Variants in EPAS1 observed in about 807,000 individuals in gnomAD.
The protein encoded by EPAS1 is endothelial PAS domain-containing protein 1.
EPAS1 carries 23 observed loss-of-function variants against 87.9 expected under a neutral mutation model. The observed-to-expected ratio is 0.26, with a 90% CI of 0.19 to 0.37. The LOEUF (loss-of-function observed/expected upper bound fraction) is 0.37. Ranked by LOEUF, EPAS1 falls within the 10% of genes least tolerant of loss-of-function variation. EPAS1 has a pLI of 1.00. For missense variants in EPAS1, 1,138 were observed against 1,120.7 expected, an observed-to-expected ratio of 1.02 and a Z score of -0.22; for synonymous variants, 508 against 444.3, an observed-to-expected ratio of 1.14 and a Z score of -1.80.
chr2:46,371,917 C>T lies in EPAS1; in HGVS notation c.886+1984C>T, dbSNP rs2103655943. 6.6e-6 allele frequency among the ~76,000 whole-genome samples: 1 copy of T among 152,170 alleles called. No individual in the cohort carries two copies. Among genetic ancestry groups the T allele is most frequent in the Middle Eastern group, 3.4e-3 (1 of 294 alleles). ...CCTTTTATCTTGTAGGATGGGAAAG[C>T]AGAAGAAGCTACTGTCAAAGGAAAA... is the stretch of plus-strand genomic sequence containing the variant. On this transcript the variant is annotated intron_variant, in intron 7 of 15. Transcript: ENST00000263734. The surrounding 1 kb of genome is among the most constrained non-coding windows in gnomAD (Gnocchi z 4.3).
intron 7 of EPAS1, among the ~76,000 whole-genome samples, chr2:46,370,787 A>G (rs1040640289): frequency 1.3e-5 from 2 of 152,204 alleles, no homozygotes; most frequent in Non-Finnish European, 2.9e-5. Flanking sequence ...CATGTTCCCA[A>G]TTCAGGCTTC....
chr2:46,316,956 A>G (rs930617859), intron 1 of EPAS1, among the ~76,000 whole-genome samples: 3 of 152,198 alleles, frequency 2.0e-5, no homozygotes, highest in African/African-American at 7.2e-5. Context: ...CACCATCTTT[A>G]CCAGGAGCAA....
At chr2:46,365,385 G>T (rs3768730) in intron 6 of EPAS1, among the ~76,000 whole-genome samples, 97,973 of 152,136 alleles carry the variant, frequency 0.64, 33,944 homozygotes, top group African/African-American at 0.89. Flanking sequence ...AGTTACAGTT[G>T]AATAAAGATG....
Position 46,377,957 on chromosome 2 carries a change from G to C in EPAS1, c.1313G>C (p.Trp438Ser), listed in dbSNP as rs779619422. The C allele has an allele frequency of 1.3e-6, 2 of 1,562,980 alleles. No homozygotes were observed. The highest frequency in any genetic ancestry group is 1.2e-5 in the South Asian group (1 of 84,898). ...GKAILPPSQP[W>S]ATELRSHSTQ... is the part of the protein sequence containing the mutation. ...GCCATCCTGCCCCCGAGCCAGCCATGGGCCACGGAGTTGAGGAGCCACAGC... is the reference window on the plus strand; with the variant it reads ...GCCATCCTGCCCCCGAGCCAGCCATCGGCCACGGAGTTGAGGAGCCACAGC... Residue 438 changes from tryptophan to serine, a missense_variant, in exon 10 of 16, where the codon TGG becomes TCG. Around this residue, in one of 4 missense-constraint regions of EPAS1, gnomAD observed 284 missense variants for 258.4 expected, o/e 1.10. Transcript: ENST00000263734.
In EPAS1 at chr2:46,347,103, C is replaced by T. The variant is rs1286681984; in HGVS notation, c.217+40C>T. ...CTCCCCTAGGCTGGGCAGATGCCAG[C>T]CTTACCAGCATGTTCCTATATGCAG... On this transcript the variant is annotated intron_variant, in intron 2 of 15. Coordinates refer to ENST00000263734, the MANE Select transcript of EPAS1 (RefSeq NM_001430.5). This position sits in a 1 kb window ranked among gnomAD's most constrained non-coding sequence, Gnocchi z 4.2. 6.2e-7 allele frequency: 1 copy of T among 1,611,332 alleles called. No homozygotes were observed. The highest frequency in any genetic ancestry group is 1.3e-5 in the African/African-American group (1 of 74,888).
intron 1 of EPAS1, among the ~76,000 whole-genome samples, chr2:46,322,184 A>C (rs1042968091): frequency 6.6e-6 from 1 of 152,174 alleles, no homozygotes; most frequent in Non-Finnish European, 1.5e-5. Context: ...GAACCGCTGC[A>C]CTAGCTAATT....
At chr2:46,356,942 G>T in intron 4 of EPAS1, 134 bp downstream of exon 4, 1 of 703,778 alleles carries the variant, frequency 1.4e-6, no homozygotes, top group Non-Finnish European at 2.6e-6. Flanking sequence ...AAAAATTTAA[G>T]TATGTAGCCT....
Position 46,369,942 on chromosome 2 carries a change from C to A in EPAS1, c.886+9C>A. 1 of 1,600,022 alleles carries A rather than the reference C, an allele frequency of 6.2e-7. No homozygotes were observed. Among genetic ancestry groups the A allele is most frequent in the South Asian group, 1.1e-5 (1 of 89,474 alleles). ...CAAGAGTCACCAGAACTGTGAGTTC[C>A]AGGAGTGCCCCTTGTGGCTTCCTTG... On this transcript the variant is annotated intron_variant, in intron 7 of 15. Transcript: ENST00000263734.
At chr2:46,321,459 G>A (rs1414624535) in intron 1 of EPAS1, among the ~76,000 whole-genome samples, 1 of 152,096 alleles carries the variant, frequency 6.6e-6, no homozygotes, top group Non-Finnish European at 1.5e-5. Context: ...GTCTTCCATA[G>A]CAGCCATACC....
rs200132658 is a variant in EPAS1, at chr2:46,375,876, T to C, written c.1034+39T>C. The C allele has an allele frequency of 6.2e-7, 1 of 1,613,620 alleles. No homozygotes were observed. Among genetic ancestry groups the C allele is most frequent in the East Asian group, 2.2e-5 (1 of 44,866 alleles). ...GGCTGGCGGGCCTTGGTGCAGGGTA[T>C]GTGGGGGTGCCCAAGCTTCCCAGAC... On this transcript the variant is annotated intron_variant, in intron 8 of 15. Coordinates refer to ENST00000263734, the MANE Select transcript of EPAS1 (RefSeq NM_001430.5). The surrounding 1 kb of genome is among the most constrained non-coding windows in gnomAD (Gnocchi z 4.1).
chr2:46,350,220 G>A (rs1320996149), intron 2 of EPAS1, among the ~76,000 whole-genome samples: 3 of 152,114 alleles, frequency 2.0e-5, no homozygotes, highest in East Asian at 1.9e-4. Context: ...ATGCAGAGTC[G>A]TCAAACTTTT....
chr2:46,328,019 T>G (rs1683599031), intron 1 of EPAS1, among the ~76,000 whole-genome samples: 1 of 152,180 alleles, frequency 6.6e-6, no homozygotes, highest in Non-Finnish European at 1.5e-5. Flanking sequence ...GAACTTAGGT[T>G]TTGAGAAAAC....
rs182750291 is a variant in EPAS1, at chr2:46,357,633, C to T, written c.454+825C>T. 5.4e-3 allele frequency among the ~76,000 whole-genome samples: 823 copies of T among 152,278 alleles called. 10 individuals are homozygous for T. Among genetic ancestry groups the T allele is most frequent in the African/African-American group, 0.019 (788 of 41,542 alleles). On this transcript the variant is annotated intron_variant, in intron 4 of 15. Transcript: ENST00000263734. Reference sequence around the variant, plus strand: ...CATTGTGGGAGGAAACTACACGAAGCCATGAGTGTCAAAAGGCATGGCTTG... The same window carrying T: ...CATTGTGGGAGGAAACTACACGAAGTCATGAGTGTCAAAAGGCATGGCTTG...
At chr2:46,370,008 G>C in intron 7 of EPAS1, 75 bp downstream of exon 7, 2 of 1,095,162 alleles carry the variant, frequency 1.8e-6, no homozygotes, top group South Asian at 2.6e-5. Context: ...TGACTGGTGA[G>C]ACAGAAGACC....
intron 1 of EPAS1, among the ~76,000 whole-genome samples, chr2:46,299,893 G>C (rs1458794261): frequency 6.6e-6 from 1 of 152,252 alleles, no homozygotes; most frequent in Non-Finnish European, 1.5e-5. Flanking sequence ...ATTGGCGAGA[G>C]CGGCCGCTTT....
intron 11 of EPAS1, 147 bp downstream of exon 11, chr2:46,378,914 G>A (rs1684819849): frequency 1.3e-6 from 1 of 756,742 alleles, no homozygotes; most frequent in Admixed American, 2.0e-5. Flanking sequence ...AAGAGGTAGG[G>A]GTACAGGGTA....
Position 46,380,784 on chromosome 2 carries a change from G to A in EPAS1, c.2045+67G>A, listed in dbSNP as rs1011173987. ...AGAGGCACCCACTAGTAAGATAGCT[G>A]GACCCCCAGGGAGGCCCCTGCCCCT... On this transcript the variant is annotated intron_variant, in intron 12 of 15. Coordinates refer to ENST00000263734, the MANE Select transcript of EPAS1 (RefSeq NM_001430.5). The surrounding 1 kb of genome is among the most constrained non-coding windows in gnomAD (Gnocchi z 4.4). 4 of 1,598,116 alleles carry A rather than the reference G, an allele frequency of 2.5e-6. No individual in the cohort carries two copies. The highest frequency in any genetic ancestry group is 3.4e-6 in the Non-Finnish European group (4 of 1,179,528).
rs1246477253 is a variant in EPAS1 at position 46,371,080 on chromosome 2, G to C, written c.886+1147G>C. On this transcript the variant is annotated intron_variant, in intron 7 of 15. Transcript: ENST00000263734. The surrounding 1 kb of genome is among the most constrained non-coding windows in gnomAD (Gnocchi z 4.3). ...GATGGGCAAGACTGTATTTGGAAAA[G>C]AATGCTTCAAAACGAGTGCCCACAG... 6.6e-6 allele frequency among the ~76,000 whole-genome samples: 1 copy of C among 152,178 alleles called. No individual in the cohort carries two copies. Among genetic ancestry groups the C allele is most frequent in the Non-Finnish European group, 1.5e-5 (1 of 68,022 alleles).
intron 1 of EPAS1, among the ~76,000 whole-genome samples, chr2:46,335,458 C>G (rs1021856461): frequency 6.9e-5 from 10 of 144,474 alleles, no homozygotes; most frequent in Non-Finnish European, 1.2e-4. Context: ...ATTTCTGCCC[C>G]CTCCTTCCTG....
Sources: allele counts gnomAD v4.1 joint callset (sites outside exome capture counted in the v4.1 genomes callset), GRCh38; gene constraint gnomAD v4.1.1; regional missense constraint gnomAD v4.1.1; non-coding constraint Gnocchi (gnomAD v3.1); transcripts MANE v1.5; gene names NCBI Gene and HGNC (gene_info 2026-07-23, HGNC 2026-07-21).